The following SHOC2 variants were observed in gnomAD, a reference collection of about 807,000 sequenced individuals.
SHOC2 encodes the protein SHOC2 leucine rich repeat scaffold protein, also known as leucine-rich repeat protein SHOC-2.
A neutral mutation model predicts 50.2 loss-of-function variants in SHOC2; 4 were observed. That is an observed-to-expected ratio of 0.08 (90% CI 0.04 to 0.18). SHOC2 has a LOEUF of 0.18. Ranked by LOEUF, SHOC2 falls within the 10% of genes least tolerant of loss-of-function variation. The pLI, the probability that SHOC2 is intolerant of heterozygous loss-of-function variation, is 1.00. For missense variants in SHOC2, 388 were observed against 669.6 expected, an observed-to-expected ratio of 0.58 and a Z score of 4.64; for synonymous variants, 218 against 244.5, an observed-to-expected ratio of 0.89 and a Z score of 1.01.
Position 110,978,861 on chromosome 10 carries a change from TAC to T in SHOC2, c.704-6766_704-6765del, listed in dbSNP as rs1847922304. On this transcript the variant is annotated intron_variant, in intron 2 of 8. Coordinates refer to ENST00000369452, the MANE Select transcript of SHOC2 (RefSeq NM_007373.4). ...GGACTCTGGCCTTCGACTTGAGATTTACTTTTCACCTGCAGATTTTTTAGTTA... is the reference window on the plus strand; with the variant it reads ...GGACTCTGGCCTTCGACTTGAGATTTTTTTCACCTGCAGATTTTTTAGTTA... 2.6e-5 allele frequency among the ~76,000 whole-genome samples: 4 copies of T among 152,366 alleles called. No individual in the cohort carries two copies. The South Asian group carries it at 8.3e-4, about 32-fold the overall frequency.
At chr10:110,998,816 G>A (rs1300514574) in intron 3 of SHOC2, among the ~76,000 whole-genome samples, 1 of 152,136 alleles carries the variant, frequency 6.6e-6, no homozygotes, top group Non-Finnish European at 1.5e-5. Context: ...TACTCATTAT[G>A]TGTAACTTCA....
At chr10:110,953,510 T>C (rs1405691184) in intron 1 of SHOC2, among the ~76,000 whole-genome samples, 1 of 152,222 alleles carries the variant, frequency 6.6e-6, no homozygotes, top group Non-Finnish European at 1.5e-5. Flanking sequence ...TTTTATGATG[T>C]ACCACAGTTT....
At chr10:110,963,364 T>G (rs1847607869) in intron 1 of SHOC2, among the ~76,000 whole-genome samples, 1 of 152,206 alleles carries the variant, frequency 6.6e-6, no homozygotes, top group Non-Finnish European at 1.5e-5. Context: ...CATTGGACAT[T>G]GCCCTTTGTC....
In SHOC2 at chr10:111,007,626, G is replaced by T; in HGVS notation, c.1257G>T (p.Glu419Asp). 1.2e-6 allele frequency: 2 copies of T among 1,613,676 alleles called. No homozygotes were observed. Among genetic ancestry groups the T allele is most frequent in the South Asian group, 1.1e-5 (1 of 91,066 alleles). Reference protein sequence around the residue: ...LATNQLTKIPEDVSGLVSLEV... With the variant: ...LATNQLTKIPDDVSGLVSLEV... Reference sequence around the variant, plus strand: ...CTAATCAGCTCACAAAGATCCCTGAGGATGTGTCTGGTCTCGTTTCTCTTG... The same window carrying T: ...CTAATCAGCTCACAAAGATCCCTGATGATGTGTCTGGTCTCGTTTCTCTTG... The change falls in exon 6 of 9, where the codon GAG (glutamate) becomes GAT (aspartate). Residue 419 changes from glutamate (E) to aspartate (D), a missense_variant. Coordinates refer to ENST00000369452, the MANE Select transcript of SHOC2 (RefSeq NM_007373.4).
chr10:110,929,564 A>G (rs1846847026), intron 1 of SHOC2, among the ~76,000 whole-genome samples: 1 of 152,236 alleles, frequency 6.6e-6, no homozygotes, highest in Admixed American at 6.5e-5. Flanking sequence ...ACAGTTCCGA[A>G]GGCTAGAAAG....
intron 1 of SHOC2, among the ~76,000 whole-genome samples, chr10:110,932,667 T>C (rs1158718322): frequency 6.6e-6 from 1 of 152,176 alleles, no homozygotes; most frequent in Admixed American, 6.5e-5. Flanking sequence ...TTAAGAAGCC[T>C]TTCCTGATTC....
intron 1 of SHOC2, among the ~76,000 whole-genome samples, chr10:110,936,119 G>A (rs889837780): frequency 7.2e-6 from 1 of 138,924 alleles, no homozygotes; most frequent in South Asian, 2.2e-4. Context: ...TTTTTGAGTC[G>A]GAGTTTCGCT....
chr10:111,005,748 G>T (rs1641580978), intron 5 of SHOC2, among the ~76,000 whole-genome samples: 1 of 152,162 alleles, frequency 6.6e-6, no homozygotes, highest in Non-Finnish European at 1.5e-5. Flanking sequence ...CAAGTTCAGT[G>T]ATTTAATTTG....
chr10:110,933,527 A>C (rs1001465196), intron 1 of SHOC2, among the ~76,000 whole-genome samples: 1 of 152,226 alleles, frequency 6.6e-6, no homozygotes, highest in African/African-American at 2.4e-5. Context: ...ATTACAGGAG[A>C]CCAGGCAGGT....
intron 1 of SHOC2, chr10:110,919,869 C>CG (rs1329627350): frequency 2.8e-6 from 1 of 361,348 alleles, no homozygotes; most frequent in Non-Finnish European, 4.9e-6. Flanking sequence ...TCCGGGAGTG[C>CG]GGGGCCCTTG....
chr10:110,956,329 C>T (rs1445607467), intron 1 of SHOC2, among the ~76,000 whole-genome samples: 1 of 152,138 alleles, frequency 6.6e-6, no homozygotes, highest in Non-Finnish European at 1.5e-5. Flanking sequence ...TTCTCCTGCT[C>T]AGTCTCCCAA....
In SHOC2 at chr10:110,978,200, T is replaced by C. The variant is rs548935141; in HGVS notation, c.704-7428T>C. 6.6e-5 allele frequency among the ~76,000 whole-genome samples: 10 copies of C among 152,342 alleles called. 1 individual carries two copies. The East Asian group carries it at 1.7e-3, about 26-fold the overall frequency. Reference sequence around the variant, plus strand: ...CCTGTGATACAAGGGAATACAGTCATATATGGCTGTTGTCTGCAGTCTGCA... The same window carrying C: ...CCTGTGATACAAGGGAATACAGTCACATATGGCTGTTGTCTGCAGTCTGCA... On this transcript the variant is annotated intron_variant, in intron 2 of 8. Coordinates refer to ENST00000369452, the MANE Select transcript of SHOC2 (RefSeq NM_007373.4).
intron 1 of SHOC2, among the ~76,000 whole-genome samples, chr10:110,958,576 G>T (rs866031977): frequency 6.6e-6 from 1 of 152,040 alleles, no homozygotes; most frequent in Non-Finnish European, 1.5e-5. Flanking sequence ...CATGCGTTTT[G>T]TGGATAGTCT....
intron 2 of SHOC2, among the ~76,000 whole-genome samples, chr10:110,984,319 A>G (rs533001555): frequency 2.0e-5 from 3 of 152,182 alleles, no homozygotes; most frequent in South Asian, 2.1e-4. Context: ...ATTGAAGTCC[A>G]TTGCCCATTT....
intron 8 of SHOC2, among the ~76,000 whole-genome samples, chr10:111,010,308 G>A (rs1440975045): frequency 6.6e-6 from 1 of 152,060 alleles, no homozygotes; most frequent in Non-Finnish European, 1.5e-5. Context: ...ATTTTAGACA[G>A]TGCAAGTTGT....
chr10:110,939,888 A>G (rs149945208), intron 1 of SHOC2, among the ~76,000 whole-genome samples: 5 of 152,316 alleles, frequency 3.3e-5, no homozygotes, highest in Non-Finnish European at 7.4e-5. Flanking sequence ...AATTATGGAA[A>G]TATTTTCCTA....
At chr10:110,938,585 A>G (rs910223231) in intron 1 of SHOC2, among the ~76,000 whole-genome samples, 1 of 152,172 alleles carries the variant, frequency 6.6e-6, no homozygotes, top group Admixed American at 6.5e-5. Context: ...TTTCCCAAAA[A>G]GGGTTTTGTG....
At chr10:110,966,163 G>T (rs903177016) in intron 2 of SHOC2, among the ~76,000 whole-genome samples, 1 of 151,842 alleles carries the variant, frequency 6.6e-6, no homozygotes, top group Non-Finnish European at 1.5e-5. Flanking sequence ...TTAAATTTTA[G>T]GTATGACTTG....
chr10:111,007,161 C>T (rs1228084145), intron 5 of SHOC2, among the ~76,000 whole-genome samples: 1 of 152,132 alleles, frequency 6.6e-6, no homozygotes, highest in Non-Finnish European at 1.5e-5. Context: ...CTATTGTTTT[C>T]ATATCTTTAT....
Sources: gnomAD v4.1 joint callset for allele counts (sites outside exome capture counted in the v4.1 genomes callset) on GRCh38, gnomAD v4.1.1 for gene constraint, MANE v1.5 for transcripts, NCBI Gene and HGNC (gene_info 2026-07-23, HGNC 2026-07-21) for gene names.